The following KCNAB2 variants were observed in gnomAD, a reference collection of about 807,000 sequenced individuals.
KCNAB2 encodes potassium voltage-gated channel subfamily A regulatory beta subunit 2, also known as voltage-gated potassium channel subunit beta-2.
In KCNAB2, 29 loss-of-function variants were observed where a neutral mutation model predicts 63.6. The ratio of observed to expected loss-of-function variants is 0.46; its 90% CI spans 0.34 to 0.62. The LOEUF is 0.62. KCNAB2 is among the 20% of genes least tolerant of loss of function. The pLI, the probability that KCNAB2 is intolerant of heterozygous loss-of-function variation, is 0.01. For missense variants in KCNAB2, 359 were observed against 563.9 expected (o/e 0.64, Z 3.68); for synonymous variants, 222 against 224.2 (o/e 0.99, Z 0.09).
At chr1:6,040,425 A>C in intron 1 of KCNAB2, 1 of 699,626 alleles carries the variant, frequency 1.4e-6, no homozygotes, top group Non-Finnish European at 2.6e-6. Context: ...CAGCCTCCTC[A>C]GCCTTTGTGA....
chr1:6,045,319 A>G (rs558450200), upstream of KCNAB2, among the ~76,000 whole-genome samples: 1 of 152,250 alleles, frequency 6.6e-6, no homozygotes, highest in South Asian at 2.1e-4. The surrounding 1 kb of genome is among the most constrained non-coding windows in gnomAD (Gnocchi z 4.8). Context: ...GCATCCTGTG[A>G]CACGCAGTGA....
intron 15 of KCNAB2, chr1:6,098,247 CT>C: frequency 7.6e-7 from 1 of 1,324,248 alleles, no homozygotes. Flanking sequence ...CAGGAAGGTT[CT>C]AGGGCACCTT....
At chr1:6,051,830 A>G in intron 2 of KCNAB2, 76 bp downstream of exon 2, 10 of 1,423,228 alleles carry the variant, frequency 7.0e-6, no homozygotes, top group East Asian at 2.5e-5. Context: ...AGGGCTGGGC[A>G]CGGTGGTTCA....
At position 6,096,563 on chromosome 1, in the gene KCNAB2, G is replaced by A; in HGVS notation, c.949-73G>A. ...AGGGTCCAGAAGGAATGAGCCCATC[G>A]GCCCCCTGCACGTGGGGGTCCAGGT... On this transcript the variant is annotated intron_variant, in intron 13 of 15. Coordinates refer to ENST00000378083, the MANE Select transcript of KCNAB2 (RefSeq NM_001199862.2). This position sits in a 1 kb window ranked among gnomAD's most constrained non-coding sequence, Gnocchi z 5.9. The A allele has an allele frequency of 1.3e-6, 2 of 1,530,102 alleles. No individual in the cohort carries two copies. The highest frequency in any genetic ancestry group is 1.2e-5 in the South Asian group (1 of 80,232). 94.8% of individuals were successfully genotyped at this position (1,530,102 alleles called of 1,614,324 possible).
intron 1 of KCNAB2, among the ~76,000 whole-genome samples, chr1:6,023,385 A>G (rs1408023710): frequency 2.6e-5 from 4 of 152,160 alleles, no homozygotes; most frequent in Non-Finnish European, 5.9e-5. Context: ...ACTGTTTTCC[A>G]TAGTGGCTGT....
upstream of KCNAB2, chr1:6,041,701 G>A: frequency 1.3e-6 from 1 of 771,526 alleles, no homozygotes; most frequent in African/African-American, 1.7e-5. Flanking sequence ...GCAGGCGACT[G>A]GTGGGGGCCC....
chr1:6,071,819 C>T lies in KCNAB2; in HGVS notation c.219-936C>T, dbSNP rs1663221716. Among the ~76,000 whole-genome samples the T allele has an allele frequency of 6.6e-6, 1 of 150,524 alleles. No homozygotes were observed. The highest frequency in any genetic ancestry group is 2.4e-5 in the African/African-American group (1 of 40,916). ...TAGGGCACCTCCTGCCGCGAGGGCA[C>T]CTCCTGCCGCATAGGGCACCTCCTG... On this transcript the variant is annotated intron_variant, in intron 2 of 15. Transcript: ENST00000378083. The surrounding 1 kb of genome is among the most constrained non-coding windows in gnomAD (Gnocchi z 8.5).
intron 2 of KCNAB2, among the ~76,000 whole-genome samples, chr1:6,058,078 G>A (rs1661993037): frequency 6.6e-6 from 1 of 152,142 alleles, no homozygotes. Context: ...AGCCCAGGAG[G>A]CAGAGTCTGC....
At position 6,073,629 on chromosome 1, in the gene KCNAB2, AC is replaced by A; in HGVS notation, c.263-102del. The A allele has an allele frequency of 9.8e-7, 1 of 1,023,624 alleles. No individual in the cohort carries two copies. Among genetic ancestry groups the A allele is most frequent in the South Asian group, 1.3e-5 (1 of 78,340 alleles). 63.4% of individuals were successfully genotyped at this position (1,023,624 alleles called of 1,614,324 possible). A position where few individuals can be genotyped will look rare whatever the true frequency, so the allele number is the denominator to read the frequency against. On this transcript the variant is annotated intron_variant, in intron 3 of 15. Transcript: ENST00000378083. The surrounding 1 kb of genome is among the most constrained non-coding windows in gnomAD (Gnocchi z 5.7). ...TGGCCACAGAGCAGCACAGAGGGACACCTGTGGCTGCCCCCTGTGCCCTACA... is the reference window on the plus strand; with the variant it reads ...TGGCCACAGAGCAGCACAGAGGGACACTGTGGCTGCCCCCTGTGCCCTACA...
chr1:6,088,135 C>A (rs996124716), intron 7 of KCNAB2, among the ~76,000 whole-genome samples: 90 of 152,226 alleles, frequency 5.9e-4, no homozygotes, highest in African/African-American at 2.1e-3. Context: ...TCACAGCTCA[C>A]TGTAGCTTCA....
At chr1:6,062,249 G>A (rs1181570935) in intron 2 of KCNAB2, among the ~76,000 whole-genome samples, 1 of 151,958 alleles carries the variant, frequency 6.6e-6, no homozygotes, top group East Asian at 1.9e-4. Context: ...GGGAGGTGGA[G>A]GTTGCAGTGA....
At chr1:5,992,884 G>T (rs1656588478) in intron 1 of KCNAB2, 1 of 152,166 alleles carries the variant, frequency 6.6e-6, no homozygotes, top group African/African-American at 2.4e-5. Flanking sequence ...TGCGGCAGGC[G>T]CCGCGGTCCC....
At chr1:6,047,612 G>C (rs1661037580) in intron 1 of KCNAB2, among the ~76,000 whole-genome samples, 1 of 152,204 alleles carries the variant, frequency 6.6e-6, no homozygotes, top group Non-Finnish European at 1.5e-5. Flanking sequence ...GCACTGCCAG[G>C]AAATGCCCAG....
At chr1:6,004,955 G>C (rs1313803170) in intron 1 of KCNAB2, among the ~76,000 whole-genome samples, 42 of 144,784 alleles carry the variant, frequency 2.9e-4, no homozygotes, top group African/African-American at 1.0e-3. Context: ...GTGGGGGGAT[G>C]TGGGAGCTGA....
intron 1 of KCNAB2, 57 bp from the exon 2 acceptor site, chr1:6,051,454 C>T (rs1328462484): frequency 5.6e-6 from 8 of 1,418,310 alleles, no homozygotes; most frequent in Middle Eastern, 2.1e-4. Flanking sequence ...GGCCAGCCAT[C>T]CAGCCTGGGG....
chr1:6,079,041 G>T (rs147029646), intron 4 of KCNAB2, among the ~76,000 whole-genome samples: 2 of 151,946 alleles, frequency 1.3e-5, no homozygotes, highest in Non-Finnish European at 2.9e-5. Flanking sequence ...GGGAAGCCGC[G>T]GCAGGGGCTG....
intron 1 of KCNAB2, among the ~76,000 whole-genome samples, chr1:6,037,431 C>T (rs114276711): frequency 1.2e-3 from 182 of 152,304 alleles, no homozygotes; most frequent in African/African-American, 4.2e-3. Flanking sequence ...TCCCTGGGGA[C>T]GGGCTGTGGT....
At chr1:6,095,270 C>G in intron 11 of KCNAB2, 53 bp from the exon 12 acceptor site, 1 of 1,548,362 alleles carries the variant, frequency 6.5e-7, no homozygotes, top group Non-Finnish European at 8.7e-7. Flanking sequence ...GCCCCGGCAG[C>G]CTCCCGCCTG....
At chr1:6,058,593 GA>G (rs1662040323) in intron 2 of KCNAB2, among the ~76,000 whole-genome samples, 1 of 152,220 alleles carries the variant, frequency 6.6e-6, no homozygotes, top group African/African-American at 2.4e-5. Context: ...CCCGTCCCTG[GA>G]AAAGGGACCT....
Sources: allele counts gnomAD v4.1 joint callset (sites outside exome capture counted in the v4.1 genomes callset), GRCh38; gene constraint gnomAD v4.1.1; non-coding constraint Gnocchi (gnomAD v3.1); transcripts MANE v1.5; gene names NCBI Gene and HGNC (gene_info 2026-07-23, HGNC 2026-07-21).